PDZRN4: variants seen among roughly 807,000 people sequenced by gnomAD.
The protein encoded by PDZRN4 is PDZ domain-containing RING finger protein 4.
A neutral mutation model predicts 99.0 loss-of-function variants in PDZRN4; 70 were observed. The ratio of observed to expected loss-of-function variants is 0.71; its 90% confidence interval spans 0.58 to 0.86. The LOEUF (loss-of-function observed/expected upper bound fraction) is 0.86. Ranked by LOEUF, PDZRN4 falls within the 40% of genes least tolerant of loss-of-function variation. The probability of loss-of-function intolerance (pLI) is 0.00; values close to 1 mark genes in which losing one functional copy is unlikely to be tolerated. For missense variants in PDZRN4, 1,474 were observed against 1,331.2 expected (o/e 1.11, Z -1.67); for synonymous variants, 551 against 501.6 (o/e 1.10, Z -1.32).
At chr12:41,253,717 T>G (rs1456598655) in intron 3 of PDZRN4, among the ~76,000 whole-genome samples, 1 of 152,104 alleles carries the variant, frequency 6.6e-6, no homozygotes, top group Non-Finnish European at 1.5e-5. Flanking sequence ...CTATTCACAA[T>G]AGCTAAAATA....
chr12:41,369,566 C>G (rs920442483), intron 3 of PDZRN4, among the ~76,000 whole-genome samples: 2 of 151,796 alleles, frequency 1.3e-5, no homozygotes, highest in African/African-American at 4.8e-5. Context: ...GACATTAAGT[C>G]TTTAAGTGTG....
chr12:41,216,439 G>T (rs1950921375), intron 3 of PDZRN4, among the ~76,000 whole-genome samples: 1 of 151,896 alleles, frequency 6.6e-6, no homozygotes, highest in Admixed American at 6.6e-5. Flanking sequence ...GATTTTAGAA[G>T]CTTGTGTTTC....
intron 3 of PDZRN4, among the ~76,000 whole-genome samples, chr12:41,442,680 G>A (rs1007125363): frequency 6.6e-5 from 10 of 152,136 alleles, no homozygotes; most frequent in African/African-American, 1.4e-4. Flanking sequence ...TAAAGTTGAG[G>A]GTTCAGTTAG....
In PDZRN4 at chr12:41,188,324, C is replaced by A. The variant is rs2120618677; in HGVS notation, c.-132C>A. On this transcript the variant is annotated 5_prime_UTR_variant, in exon 1 of 10. Coordinates refer to ENST00000402685, the MANE Select transcript of PDZRN4 (RefSeq NM_001164595.2). ...TCAAGCCAAACAAACAGTGAGATCA[C>A]ACCTCCCACCCGCCACCTCCCTCCA... is the stretch of plus-strand genomic sequence containing the variant. 1.3e-6 allele frequency: 1 copy of A among 784,622 alleles called. No homozygotes were observed. Among genetic ancestry groups the A allele is most frequent in the East Asian group, 2.9e-5 (1 of 34,298 alleles). 48.6% of individuals were successfully genotyped at this position (784,622 alleles called of 1,614,324 possible).
intron 3 of PDZRN4, among the ~76,000 whole-genome samples, chr12:41,233,201 T>C (rs950395698): frequency 5.9e-5 from 9 of 152,188 alleles, no homozygotes; most frequent in Admixed American, 1.3e-4. Context: ...TCATCATCAC[T>C]GGTCATCAGA....
At chr12:41,425,621 A>T (rs748489363) in intron 3 of PDZRN4, among the ~76,000 whole-genome samples, 1 of 152,168 alleles carries the variant, frequency 6.6e-6, no homozygotes, top group Non-Finnish European at 1.5e-5. Context: ...GTGCTATAAA[A>T]TAAAGCCAGA....
intron 5 of PDZRN4, among the ~76,000 whole-genome samples, chr12:41,511,212 C>T (rs11180971): frequency 2.0e-5 from 3 of 151,698 alleles, no homozygotes; most frequent in Non-Finnish European, 4.4e-5. Flanking sequence ...TCAGTGTGCT[C>T]GGGGAGGGCA....
At position 41,413,578 on chromosome 12, in the gene PDZRN4, C is replaced by T. The variant is rs570391914; in HGVS notation, c.844-92878C>T. ...TAAGATGACGGACGTGCTAATTATC[C>T]TGATATGATCCCTATACATTATATG... On this transcript the variant is annotated intron_variant, in intron 3 of 9. Transcript: ENST00000402685. Among the ~76,000 whole-genome samples the T allele has an allele frequency of 3.0e-4, 45 of 152,156 alleles. 1 individual carries two copies. The highest frequency in any genetic ancestry group is 1.1e-3 in the African/African-American group (44 of 41,508).
chr12:41,436,308 A>G (rs1952628973), intron 3 of PDZRN4, among the ~76,000 whole-genome samples: 1 of 152,178 alleles, frequency 6.6e-6, no homozygotes, highest in Admixed American at 6.5e-5. Flanking sequence ...GCAGCAGATG[A>G]TTGTTCATCT....
chr12:41,534,658 G>GT (rs1938719942), intron 5 of PDZRN4, among the ~76,000 whole-genome samples: 1 of 151,980 alleles, frequency 6.6e-6, no homozygotes, highest in South Asian at 2.1e-4. Flanking sequence ...AAATACTTAG[G>GT]TTTTTTGTTT....
chr12:41,325,959 A>G (rs1306105660), intron 3 of PDZRN4, among the ~76,000 whole-genome samples: 1 of 152,000 alleles, frequency 6.6e-6, no homozygotes. Flanking sequence ...CTCTTCCACA[A>G]CAGTGCTTTC....
chr12:41,217,974 A>G (rs1950932112), intron 3 of PDZRN4, among the ~76,000 whole-genome samples: 1 of 152,138 alleles, frequency 6.6e-6, no homozygotes, highest in South Asian at 2.1e-4. Context: ...TGGAATGTAC[A>G]AGTCAGATAG....
chr12:41,197,218 A>G (rs1192016832), intron 3 of PDZRN4, among the ~76,000 whole-genome samples: 1 of 152,130 alleles, frequency 6.6e-6, no homozygotes, highest in Non-Finnish European at 1.5e-5. Flanking sequence ...GGAAGTAGAC[A>G]TGTTAAAGGT....
intron 3 of PDZRN4, among the ~76,000 whole-genome samples, chr12:41,238,139 A>C (rs1364812469): frequency 6.6e-6 from 1 of 151,890 alleles, no homozygotes; most frequent in African/African-American, 2.4e-5. Flanking sequence ...GTCTTCTTTG[A>C]TTTCCTTGAG....
At chr12:41,387,585 C>CCAA in intron 3 of PDZRN4, among the ~76,000 whole-genome samples, 1 of 152,104 alleles carries the variant, frequency 6.6e-6, no homozygotes. Context: ...GAGCAAGACT[C>CCAA]CAACAACAAC....
At chr12:41,393,033 A>G (rs1419827727) in intron 3 of PDZRN4, among the ~76,000 whole-genome samples, 2 of 152,182 alleles carry the variant, frequency 1.3e-5, no homozygotes, top group African/African-American at 4.8e-5. Context: ...ATAACACTGT[A>G]TAAGTGTTCT....
intron 3 of PDZRN4, among the ~76,000 whole-genome samples, chr12:41,444,099 T>C (rs1592061293): frequency 6.6e-6 from 1 of 152,064 alleles, no homozygotes; most frequent in African/African-American, 2.4e-5. Flanking sequence ...GCCAGTGTGG[T>C]CAATTGCATT....
chr12:41,321,745 A>G (rs562129074), intron 3 of PDZRN4, among the ~76,000 whole-genome samples: 8 of 152,328 alleles, frequency 5.3e-5, no homozygotes, highest in Non-Finnish European at 1.0e-4. Context: ...ACAAAGACAT[A>G]ATAAGACGAT....
At chr12:41,312,884 C>T (rs943450836) in intron 3 of PDZRN4, among the ~76,000 whole-genome samples, 1 of 152,148 alleles carries the variant, frequency 6.6e-6, no homozygotes, top group African/African-American at 2.4e-5. Flanking sequence ...AACCCTGCAG[C>T]CCCCGGAGGC....
Sources: gnomAD v4.1 joint callset for allele counts (sites outside exome capture counted in the v4.1 genomes callset) on GRCh38, gnomAD v4.1.1 for gene constraint, MANE v1.5 for transcripts, NCBI Gene and HGNC (gene_info 2026-07-23, HGNC 2026-07-21) for gene names.